AKAP13: variants seen among roughly 807,000 people sequenced by gnomAD.
The protein encoded by AKAP13 is A-kinase anchoring protein 13.
Under a neutral mutation model 264.5 loss-of-function variants are expected in AKAP13, and 80 were observed. The ratio of observed to expected loss-of-function variants is 0.30; its 90% CI spans 0.25 to 0.36. AKAP13 has a LOEUF of 0.36. Ranked by LOEUF, AKAP13 falls within the 10% of genes least tolerant of loss-of-function variation. AKAP13 has a pLI of 1.00. For synonymous variants in AKAP13, 1,380 were observed against 1,250.2 expected (o/e 1.10, Z -2.19); for missense variants, 3,712 against 3,435.2 (o/e 1.08, Z -2.01).
intron 16 of AKAP13, 135 bp from the exon 17 acceptor site, chr15:85,693,142 G>T: frequency 7.4e-7 from 1 of 1,359,090 alleles, no homozygotes; most frequent in African/African-American, 1.5e-5. Context: ...AAAACACTTT[G>T]CCCAGAACTT....
At chr15:85,546,718 A>T (rs1194461023) in intron 5 of AKAP13, among the ~76,000 whole-genome samples, 5 of 151,912 alleles carry the variant, frequency 3.3e-5, no homozygotes, top group African/African-American at 1.2e-4. Context: ...AATCGCCACA[A>T]TGTATGATGC....
rs1309590135 is a variant in AKAP13 at position 85,744,680 on chromosome 15, C to G, written c.*3C>G. 13 of 1,601,778 alleles carry G rather than the reference C, an allele frequency of 8.1e-6. No individual in the cohort carries two copies. The South Asian group carries it at 1.5e-4, about 18-fold the overall frequency. ...AGGGTGAAGAGATCTTCTGCTGACC[C>G]TCTTCCTCTCTGCTGAGGCAGCTGC... On this transcript the variant is annotated 3_prime_UTR_variant, in exon 37 of 37. Transcript: ENST00000394518.
chr15:85,622,123 G>T (rs189057951), intron 8 of AKAP13, among the ~76,000 whole-genome samples: 31 of 152,146 alleles, frequency 2.0e-4, no homozygotes, highest in African/African-American at 7.5e-4. Context: ...GCGAGCCACG[G>T]GTTACAGTCT....
At chr15:85,689,740 T>C (rs1458929227) in intron 16 of AKAP13, 5 of 152,272 alleles carry the variant, frequency 3.3e-5, no homozygotes, top group Non-Finnish European at 7.3e-5. Flanking sequence ...AGAGTTCTTA[T>C]ATTGCTGCTT....
chr15:85,553,090 T>C (rs941225804), intron 5 of AKAP13, among the ~76,000 whole-genome samples: 7 of 146,124 alleles, frequency 4.8e-5, no homozygotes, highest in South Asian at 2.1e-4. Flanking sequence ...AATTCTTTTT[T>C]TTTTTTTTTT....
intron 23 of AKAP13, among the ~76,000 whole-genome samples, chr15:85,721,002 C>A (rs2087248257): frequency 6.6e-6 from 1 of 152,322 alleles, no homozygotes; most frequent in Non-Finnish European, 1.5e-5. Flanking sequence ...GACTTTTCCT[C>A]CTGAAACATC....
At chr15:85,387,850 T>C (rs1344567438) in intron 1 of AKAP13, among the ~76,000 whole-genome samples, 1 of 152,190 alleles carries the variant, frequency 6.6e-6, no homozygotes, top group Non-Finnish European at 1.5e-5. Context: ...TTCCAGTTGC[T>C]CATTGCTGGT....
intron 9 of AKAP13, among the ~76,000 whole-genome samples, chr15:85,643,983 A>G (rs530712487): frequency 6.6e-5 from 10 of 152,244 alleles, no homozygotes; most frequent in South Asian, 2.1e-4. Context: ...CCCGTGTACT[A>G]TTTACTAATA....
intron 1 of AKAP13, among the ~76,000 whole-genome samples, chr15:85,448,166 GTCT>G (rs570655312): frequency 3.2e-4 from 48 of 152,196 alleles, no homozygotes; most frequent in African/African-American, 7.5e-4. Context: ...CTACATGTAT[GTCT>G]TCTTTTGAGA....
intron 10 of AKAP13, among the ~76,000 whole-genome samples, chr15:85,646,962 G>T (rs1213949415): frequency 6.6e-6 from 1 of 152,230 alleles, no homozygotes; most frequent in African/African-American, 2.4e-5. Flanking sequence ...TTTCTTAATG[G>T]TAAGGAGGTG....
At chr15:85,387,453 C>T (rs1283762380) in intron 1 of AKAP13, among the ~76,000 whole-genome samples, 2 of 152,142 alleles carry the variant, frequency 1.3e-5, no homozygotes, top group African/African-American at 2.4e-5. Context: ...ACGTCAGCCT[C>T]CCAAGTAGTT....
chr15:85,583,394 T>C (rs549445924), intron 7 of AKAP13, among the ~76,000 whole-genome samples: 37 of 152,318 alleles, frequency 2.4e-4, no homozygotes, highest in Non-Finnish European at 4.0e-4. Context: ...AGTTGAGGGA[T>C]TTAAGGAATC....
At chr15:85,690,889 A>C (rs1478688961) in intron 16 of AKAP13, among the ~76,000 whole-genome samples, 1 of 152,206 alleles carries the variant, frequency 6.6e-6, no homozygotes, top group East Asian at 1.9e-4. Context: ...TCTAAGCTTC[A>C]ATCTCTTCAG....
At chr15:85,503,485 T>C (rs2151096516) in intron 2 of AKAP13, among the ~76,000 whole-genome samples, 1 of 152,346 alleles carries the variant, frequency 6.6e-6, no homozygotes, top group South Asian at 2.1e-4. Flanking sequence ...ACTTTGAATG[T>C]CTCTTTTCCA....
In AKAP13 at chr15:85,553,064, A is replaced by G. The variant is rs147758417; in HGVS notation, c.662+9109A>G. Among the ~76,000 whole-genome samples the G allele has an allele frequency of 6.1e-3, 924 of 150,934 alleles. 10 individuals carry two copies. The highest frequency in any genetic ancestry group is 0.021 in the African/African-American group (867 of 41,000). ...AAAAAGTTAAATCTAGAGTTTTAAT[A>G]TAATCTAACATCTGTAATTCTTTTT... is the stretch of plus-strand genomic sequence containing the variant. On this transcript the variant is annotated intron_variant, in intron 5 of 36. Transcript: ENST00000394518.
intron 3 of AKAP13, among the ~76,000 whole-genome samples, chr15:85,528,202 C>T (rs1020096223): frequency 1.3e-5 from 2 of 152,204 alleles, no homozygotes; most frequent in East Asian, 3.8e-4. Flanking sequence ...CTCCCAACCT[C>T]GCACACACAC....
rs2087054554 is a variant in AKAP13, at chr15:85,718,002, T to C, written c.5849-5T>C. 1 of 1,612,620 alleles carries C rather than the reference T, an allele frequency of 6.2e-7. No individual in the cohort carries two copies. The highest frequency in any genetic ancestry group is 1.3e-5 in the African/African-American group (1 of 74,870). On this transcript the variant is annotated splice_polypyrimidine_tract_variant and splice_region_variant and intron_variant, in intron 21 of 36. Transcript: ENST00000394518. The surrounding 1 kb of genome is among the most constrained non-coding windows in gnomAD (Gnocchi z 4.9). Reference sequence around the variant, plus strand: ...ATTCTGATATTGATTTTTTGATATATTGAGGAGTAGGTACAGACATGAATG... The same window carrying C: ...ATTCTGATATTGATTTTTTGATATACTGAGGAGTAGGTACAGACATGAATG...
chr15:85,613,685 A>ATATATATAT (rs2080785910), intron 8 of AKAP13, among the ~76,000 whole-genome samples: 1 of 67,196 alleles, frequency 1.5e-5, no homozygotes, highest in African/African-American at 7.1e-5. Flanking sequence ...CGTCTAAAAA[A>ATATATATAT]AAAAAAATAT....
chr15:85,422,222 C>G (rs1009976125), intron 1 of AKAP13, among the ~76,000 whole-genome samples: 1 of 152,062 alleles, frequency 6.6e-6, no homozygotes, highest in African/African-American at 2.4e-5. Context: ...CCAACAATTA[C>G]AGTATGGGGG....
Sources: allele counts gnomAD v4.1 joint callset (sites outside exome capture counted in the v4.1 genomes callset), GRCh38; gene constraint gnomAD v4.1.1; non-coding constraint Gnocchi (gnomAD v3.1); transcripts MANE v1.5; gene names NCBI Gene and HGNC (gene_info 2026-07-23, HGNC 2026-07-21).